The following MAST2 variants were observed in gnomAD, a reference collection of about 807,000 sequenced individuals.
MAST2 encodes microtubule-associated serine/threonine-protein kinase 2.
MAST2 carries 70 observed loss-of-function variants against 147.4 expected under a neutral mutation model. That is an observed-to-expected ratio of 0.47 (90% CI 0.39 to 0.58). The LOEUF (loss-of-function observed/expected upper bound fraction) is 0.58, where lower values mean the gene tolerates loss of function less well. Ranked by LOEUF, MAST2 falls within the 20% of genes least tolerant of loss-of-function variation. The pLI is 0.00. For missense variants in MAST2, 2,080 were observed against 2,302.3 expected (o/e 0.90, Z 1.98); for synonymous variants, 869 against 896.8 (o/e 0.97, Z 0.55).
chr1:45,825,098 T>C (rs1228012017), intron 2 of MAST2, among the ~76,000 whole-genome samples: 1 of 152,082 alleles, frequency 6.6e-6, no homozygotes, highest in African/African-American at 2.4e-5. Flanking sequence ...TGATCTCGGC[T>C]CACTGCAAGC....
intron 10 of MAST2, among the ~76,000 whole-genome samples, chr1:46,016,267 C>G (rs11211249): frequency 0.63 from 76,057 of 121,590 alleles, 24,753 homozygotes; most frequent in Non-Finnish European, 0.69. Flanking sequence ...TTGAAAACTG[C>G]CACAAGACAG....
intron 10 of MAST2, among the ~76,000 whole-genome samples, chr1:46,017,631 C>T (rs1646011438): frequency 6.6e-6 from 1 of 151,892 alleles, no homozygotes; most frequent in East Asian, 1.9e-4. Flanking sequence ...CCATCTCACA[C>T]CAGTTAGAAT....
chr1:45,914,788 C>G (rs1027763835), intron 4 of MAST2, among the ~76,000 whole-genome samples: 3 of 152,046 alleles, frequency 2.0e-5, no homozygotes, highest in Admixed American at 2.0e-4. Context: ...TTAAAAAAAA[C>G]CTTTTATTAC....
chr1:46,031,503 AACAGAGAAGCGC>A lies in MAST2; in HGVS notation c.3108_3119del (p.Glu1037_Thr1040del). Reference sequence around the variant, plus strand: ...GCCACCGGCTGCTCTCTGGGGACTCAACAGAGAAGCGCACTGCTCGCCCTGTCAACAAAGTGA... The same window carrying A: ...GCCACCGGCTGCTCTCTGGGGACTCAACTGCTCGCCCTGTCAACAAAGTGA... On this transcript the variant is annotated inframe_deletion, in exon 24 of 29. Coordinates refer to ENST00000361297, the MANE Select transcript of MAST2 (RefSeq NM_015112.3). The surrounding 1 kb of genome is among the most constrained non-coding windows in gnomAD (Gnocchi z 4.1). The A allele has an allele frequency of 6.2e-7, 1 of 1,614,164 alleles. No homozygotes were observed. The highest frequency in any genetic ancestry group is 1.1e-5 in the South Asian group (1 of 91,078).
chr1:45,939,989 T>TTTTTTTTG (rs1656968861), intron 4 of MAST2, among the ~76,000 whole-genome samples: 2 of 128,882 alleles, frequency 1.6e-5, no homozygotes, highest in East Asian at 2.4e-4. Context: ...GGTTTTTTTT[T>TTTTTTTTG]TTTTTTTTTT....
Position 46,028,753 on chromosome 1 carries a change from C to G in MAST2, c.2053-15C>G. The G allele has an allele frequency of 2.5e-6, 4 of 1,613,962 alleles. No individual in the cohort carries two copies. Among genetic ancestry groups the G allele is most frequent in the Non-Finnish European group, 3.4e-6 (4 of 1,179,944 alleles). ...GCCTCAGGAGGCTGAGCCAGCCTGG[C>G]TTTTCTGTGCCCAGGTATGCGGGAC... On this transcript the variant is annotated splice_polypyrimidine_tract_variant and intron_variant, in intron 17 of 28. Coordinates refer to ENST00000361297, the MANE Select transcript of MAST2 (RefSeq NM_015112.3).
At chr1:45,991,421 A>G (rs1644851244) in intron 5 of MAST2, among the ~76,000 whole-genome samples, 1 of 152,196 alleles carries the variant, frequency 6.6e-6, no homozygotes, top group Non-Finnish European at 1.5e-5. Context: ...TTCACAAACT[A>G]ACTTGCTTGG....
At chr1:45,963,756 T>C (rs1660773217) in intron 5 of MAST2, among the ~76,000 whole-genome samples, 1 of 149,146 alleles carries the variant, frequency 6.7e-6, no homozygotes, top group African/African-American at 2.5e-5. Flanking sequence ...CCTTTATTTC[T>C]TTTTCCTGCC....
In MAST2 at chr1:45,829,710, G is replaced by C; in HGVS notation, c.468+129G>C. ...GTTTCCCAAAATGAAGTATGGAAGA[G>C]AATGAATTTATTATTATTTTTTTTA... is the stretch of plus-strand genomic sequence containing the variant. On this transcript the variant is annotated intron_variant, in intron 3 of 28. Transcript: ENST00000361297. 1.0e-5 allele frequency: 10 copies of C among 991,634 alleles called. No individual in the cohort carries two copies. In the South Asian group the frequency reaches 1.8e-4, roughly 18 times the overall value. The allele number at this position is 991,634 out of a possible 1,614,324, so 61.4% of individuals were successfully genotyped here.
At chr1:45,969,540 T>A (rs968769134) in intron 5 of MAST2, among the ~76,000 whole-genome samples, 4 of 152,050 alleles carry the variant, frequency 2.6e-5, no homozygotes, top group African/African-American at 9.7e-5. Context: ...TAGATTCTCA[T>A]AGGACCATGA....
Position 45,899,377 on chromosome 1 carries a change from G to A in MAST2, c.500+16982G>A, listed in dbSNP as rs528095449. On this transcript the variant is annotated intron_variant, in intron 4 of 28. Transcript: ENST00000361297. ...TTGTTACATGGATATATTGTGTAAT[G>A]CTGGGGTTTCGGCTTCTAGTGAACC... 2.7e-4 allele frequency among the ~76,000 whole-genome samples: 36 copies of A among 133,452 alleles called. 1 individual carries two copies. In the South Asian group the frequency reaches 4.7e-3, roughly 17 times the overall value. 87.5% of individuals were successfully genotyped at this position (133,452 alleles called of 152,430 possible).
chr1:45,909,045 G>A (rs983307496), intron 4 of MAST2, among the ~76,000 whole-genome samples: 1 of 152,070 alleles, frequency 6.6e-6, no homozygotes, highest in Non-Finnish European at 1.5e-5. Context: ...GCCTAAAATC[G>A]AAACTTTTTT....
At chr1:45,869,911 T>TTTTGTTTGTTTG (rs58270514) in intron 3 of MAST2, among the ~76,000 whole-genome samples, 1,527 of 150,910 alleles carry the variant, frequency 0.01, 28 homozygotes, top group African/African-American at 0.033. Flanking sequence ...CCTGTGATTC[T>TTTTGTTTGTTTG]TTTGTTTGTT....
chr1:45,871,220 C>CAT (rs1557852101), intron 3 of MAST2, among the ~76,000 whole-genome samples: 1 of 147,754 alleles, frequency 6.8e-6, no homozygotes, highest in African/African-American at 2.5e-5. Context: ...TTACTGTCCC[C>CAT]TTTTTTTTTT....
intron 4 of MAST2, among the ~76,000 whole-genome samples, chr1:45,957,131 G>T (rs192563798): frequency 1.3e-5 from 2 of 152,226 alleles, no homozygotes; most frequent in African/African-American, 4.8e-5. Context: ...ACACCTGAGA[G>T]GCAAATTGTT....
chr1:45,921,136 C>T (rs1305090077), intron 4 of MAST2, among the ~76,000 whole-genome samples: 2 of 152,212 alleles, frequency 1.3e-5, no homozygotes, highest in Non-Finnish European at 2.9e-5. Context: ...GCTAGGATTA[C>T]AGGCGACCGC....
chr1:45,879,640 A>G (rs940220951), intron 3 of MAST2, among the ~76,000 whole-genome samples: 3 of 151,514 alleles, frequency 2.0e-5, no homozygotes, highest in African/African-American at 4.8e-5. Flanking sequence ...GAACATATTT[A>G]TAAAACACAT....
At chr1:45,955,206 G>A (rs1166897452) in intron 4 of MAST2, among the ~76,000 whole-genome samples, 1 of 151,992 alleles carries the variant, frequency 6.6e-6, no homozygotes, top group East Asian at 1.9e-4. Flanking sequence ...TATATATATT[G>A]GGGATTAGTT....
chr1:46,007,390 G>A (rs773123237), intron 8 of MAST2, among the ~76,000 whole-genome samples: 9 of 152,184 alleles, frequency 5.9e-5, no homozygotes, highest in Non-Finnish European at 1.0e-4. Context: ...CTGTGTCACA[G>A]AGGAACACCT....
Sources: gnomAD v4.1 joint callset for allele counts (sites outside exome capture counted in the v4.1 genomes callset) on GRCh38, gnomAD v4.1.1 for gene constraint, Gnocchi (gnomAD v3.1) non-coding constraint, MANE v1.5 for transcripts, NCBI Gene and HGNC (gene_info 2026-07-23, HGNC 2026-07-21) for gene names.